The following ZFP37 variants were observed in gnomAD, a reference collection of about 807,000 sequenced individuals.
The protein encoded by ZFP37 is zinc finger protein 37 homolog.
Under a neutral mutation model 52.1 loss-of-function variants are expected in ZFP37, and 38 were observed. That is an observed-to-expected ratio of 0.73 (90% CI 0.56 to 0.96). The LOEUF (loss-of-function observed/expected upper bound fraction) is 0.96, where lower values mean the gene tolerates loss of function less well. Among genes scored for constraint, ZFP37 ranks in the 40% least tolerant of loss-of-function variants. The pLI, the probability that ZFP37 is intolerant of heterozygous loss-of-function variation, is 0.00. For missense variants in ZFP37, 695 were observed against 741.4 expected (o/e 0.94, Z 0.73); for synonymous variants, 253 against 259.5 (o/e 0.98, Z 0.24).
intron 1 of ZFP37, among the ~76,000 whole-genome samples, chr9:113,050,959 A>T (rs529189131): frequency 6.6e-6 from 1 of 152,286 alleles, no homozygotes; most frequent in East Asian, 1.9e-4. Context: ...AAGAATGCAG[A>T]ATGTACACTA....
At position 113,042,844 on chromosome 9, in the gene ZFP37, G is replaced by A. The variant is rs571256222; in HGVS notation, c.1774C>T (p.Gln592Ter). ...FNAKSQLVIH[Q>*]RSHTGEKPYE... is the part of the protein sequence containing the mutation. ...GGTTTTTCTCCAGTGTGGGATCGCT[G>A]ATGTATAACAAGCTGTGATTTTGCA... is the stretch of plus-strand genomic sequence containing the variant. Residue 592 changes from glutamine to a stop codon, truncating the protein, a stop_gained, in exon 4 of 4, where the codon CAG becomes TAG. Coordinates refer to ENST00000374227, the MANE Select transcript of ZFP37 (RefSeq NM_003408.3). LOFTEE classifies it high-confidence loss of function. 2 of 1,613,674 alleles carry A rather than the reference G, an allele frequency of 1.2e-6. No homozygotes were observed. The highest frequency in any genetic ancestry group is 4.5e-5 in the East Asian group (2 of 44,836).
In ZFP37 at chr9:113,039,208, T is replaced by C. The variant is rs770382701; in HGVS notation, c.*3517A>G. On this transcript the variant is annotated 3_prime_UTR_variant, in exon 4 of 4. Coordinates refer to ENST00000374227, the MANE Select transcript of ZFP37 (RefSeq NM_003408.3). ...ACTGCCGACCATCATAAGGCTTTGA[T>C]GTATACTGTCAGATTTACATTTTGG... is the stretch of plus-strand genomic sequence containing the variant. The C allele has an allele frequency of 6.6e-6, 1 of 152,170 alleles. No homozygotes were observed. Among genetic ancestry groups the C allele is most frequent in the Non-Finnish European group, 1.5e-5 (1 of 68,028 alleles). 9.4% of individuals were successfully genotyped at this position (152,170 alleles called of 1,614,324 possible). A position where few individuals can be genotyped will look rare whatever the true frequency, so the allele number is the denominator to read the frequency against.
rs1828835890 is a variant in ZFP37, at chr9:113,040,958, ATTTC to A, written c.*1763_*1766del. 6.7e-6 allele frequency: 1 copy of A among 149,984 alleles called. No homozygotes were observed. Among genetic ancestry groups the A allele is most frequent in the African/African-American group, 2.4e-5 (1 of 41,344 alleles). The allele number at this position is 149,984 out of a possible 1,614,324, so 9.3% of individuals were successfully genotyped here. A position where few individuals can be genotyped will look rare whatever the true frequency, so the allele number is the denominator to read the frequency against. On this transcript the variant is annotated 3_prime_UTR_variant, in exon 4 of 4. Coordinates refer to ENST00000374227, the MANE Select transcript of ZFP37 (RefSeq NM_003408.3). ...TTCAGAAGTTTTGTGCATTTTTTGT[ATTTC>A]TTTTTTTTGAGACAGAGCCTCACTC...
rs1829073962 is a variant in ZFP37, at chr9:113,052,445, T to C, written c.133-2573A>G. On this transcript the variant is annotated intron_variant, in intron 1 of 3. Coordinates refer to ENST00000374227, the MANE Select transcript of ZFP37 (RefSeq NM_003408.3). The surrounding 1 kb of genome is among the most constrained non-coding windows in gnomAD (Gnocchi z 4.1). ...GATTTGCTAGGAGGACTCACATGAC[T>C]CAGTATATAATTGTACTCATAGCTA... is the stretch of plus-strand genomic sequence containing the variant. Among the ~76,000 whole-genome samples, 1 of 152,144 alleles carries C rather than the reference T, an allele frequency of 6.6e-6. No homozygotes were observed. Among genetic ancestry groups the C allele is most frequent in the Admixed American group, 6.5e-5 (1 of 15,280 alleles).
chr9:113,054,848 T>C (rs562909536), intron 1 of ZFP37, among the ~76,000 whole-genome samples: 3 of 152,334 alleles, frequency 2.0e-5, no homozygotes, highest in East Asian at 1.9e-4. Flanking sequence ...TCTTTGACTA[T>C]TGCAAAAAGT....
At chr9:113,045,948 A>C (rs1371614084) in intron 3 of ZFP37, among the ~76,000 whole-genome samples, 1 of 152,194 alleles carries the variant, frequency 6.6e-6, no homozygotes, top group Non-Finnish European at 1.5e-5. Context: ...AGAGAGAAAG[A>C]AGCAGGAAGT....
intron 3 of ZFP37, among the ~76,000 whole-genome samples, chr9:113,046,401 T>C (rs1484204303): frequency 6.6e-6 from 1 of 152,070 alleles, no homozygotes; most frequent in East Asian, 1.9e-4. Context: ...GCTGTGTCTT[T>C]CAATGCCCAA....
chr9:113,047,875 ATATGAG>A (rs776981436), intron 3 of ZFP37, among the ~76,000 whole-genome samples: 1 of 152,238 alleles, frequency 6.6e-6, no homozygotes, highest in Non-Finnish European at 1.5e-5. Flanking sequence ...AGTAGGTCAA[ATATGAG>A]TATAAGACAA....
intron 3 of ZFP37, among the ~76,000 whole-genome samples, chr9:113,044,725 A>C (rs1828921692): frequency 6.6e-6 from 1 of 152,192 alleles, no homozygotes; most frequent in Admixed American, 6.5e-5. Context: ...AATCTGACTC[A>C]AACCAAGATG....
chr9:113,043,578 T>C lies in ZFP37; in HGVS notation c.1040A>G (p.Lys347Arg). 6.2e-7 allele frequency: 1 copy of C among 1,614,004 alleles called. No homozygotes were observed. The change falls in exon 4 of 4, where the codon AAA becomes AGA. Residue 347 changes from lysine (K) to arginine (R), a missense_variant. Coordinates refer to ENST00000374227, the MANE Select transcript of ZFP37 (RefSeq NM_003408.3). ...GCCACACTGAATACATTCATATGGT[T>C]TTTCTCCGGTGTGAGTTCTCTGATG... Reference protein sequence around the residue: ...VVHQRTHTGEKPYECIQCGKA... With the variant: ...VVHQRTHTGERPYECIQCGKA...
Position 113,041,531 on chromosome 9 carries a change from T to G in ZFP37, c.*1194A>C, listed in dbSNP as rs2118676209. 6.6e-6 allele frequency: 1 copy of G among 152,328 alleles called. No homozygotes were observed. Among genetic ancestry groups the G allele is most frequent in the Non-Finnish European group, 1.5e-5 (1 of 68,016 alleles). 9.4% of individuals were successfully genotyped at this position (152,328 alleles called of 1,614,324 possible). A position where few individuals can be genotyped will look rare whatever the true frequency, so the allele number is the denominator to read the frequency against. ...AGGGTGATTATTCATAAAATCACTT[T>G]CATTCACCTGCAATCACAATTCATC... On this transcript the variant is annotated 3_prime_UTR_variant, in exon 4 of 4. Transcript: ENST00000374227.
rs1050864587 is a variant in ZFP37, at chr9:113,039,188, C to T, written c.*3537G>A. The stretch of plus-strand genomic sequence containing the variant: ...TAGAATAGATTCCTCGATGGACTGC[C>T]GACCATCATAAGGCTTTGATGTATA... On this transcript the variant is annotated 3_prime_UTR_variant, in exon 4 of 4. Transcript: ENST00000374227. The T allele has an allele frequency of 2.6e-5, 4 of 152,020 alleles. No homozygotes were observed. The highest frequency in any genetic ancestry group is 7.2e-5 in the African/African-American group (3 of 41,390). The allele number at this position is 152,020 out of a possible 1,614,324, so 9.4% of individuals were successfully genotyped here.
intron 3 of ZFP37, among the ~76,000 whole-genome samples, chr9:113,046,737 T>C (rs1828964602): frequency 6.6e-6 from 1 of 151,942 alleles, no homozygotes; most frequent in Non-Finnish European, 1.5e-5. Context: ...CAGAAACAAA[T>C]ATGGAGCTCA....
At chr9:113,047,131 C>T (rs1828971755) in intron 3 of ZFP37, among the ~76,000 whole-genome samples, 1 of 151,380 alleles carries the variant, frequency 6.6e-6, no homozygotes, top group Admixed American at 6.6e-5. Context: ...AAAAGAGAAC[C>T]TGAACCAAGA....
At chr9:113,049,289 A>G in intron 3 of ZFP37, 73 bp downstream of exon 3, 3 of 1,500,594 alleles carry the variant, frequency 2.0e-6, no homozygotes, top group East Asian at 2.3e-5. Context: ...TAGTTAAGAA[A>G]GAAAGGTCTA....
At chr9:113,050,051 A>T in intron 1 of ZFP37, 179 bp from the exon 2 acceptor site, 1 of 1,022,274 alleles carries the variant, frequency 9.8e-7, no homozygotes, top group Non-Finnish European at 1.3e-6. Context: ...TTCTCTACTC[A>T]ATTTTTCATT....
chr9:113,056,605 G>A lies in ZFP37; in HGVS notation c.84C>T (p.Ala28=), dbSNP rs780756017. Residue 28 remains alanine, a synonymous_variant, in exon 1 of 4, where the codon GCC becomes GCT. Coordinates refer to ENST00000374227, the MANE Select transcript of ZFP37 (RefSeq NM_003408.3). The part of the protein sequence containing the change: ...RRRSAETTKE[A]GRPLEMAVSE... The stretch of plus-strand genomic sequence containing the variant: ...ACACAGCCATCTCCAGTGGTCGCCC[G>A]GCCTCTTTGGTCGTTTCCGCACTTC... The A allele has an allele frequency of 7.4e-6, 12 of 1,613,872 alleles. No homozygotes were observed. Among genetic ancestry groups the A allele is most frequent in the African/African-American group, 6.7e-5 (5 of 75,042 alleles).
intron 1 of ZFP37, 141 bp downstream of exon 1, chr9:113,056,416 G>C: frequency 7.1e-7 from 1 of 1,399,746 alleles, no homozygotes; most frequent in Non-Finnish European, 9.7e-7. Flanking sequence ...AGATAACTCA[G>C]AACACCGACC....
chr9:113,043,710 C>CT lies in ZFP37; in HGVS notation c.907dup (p.Ser303LysfsTer3). The stretch of plus-strand genomic sequence containing the variant: ...ATGGTCAATGAGTCCTTGTTTATGG[C>CT]TGAGAACCTTTCCACATTGATTACA... On this transcript the variant is annotated frameshift_variant, in exon 4 of 4. Coordinates refer to ENST00000374227, the MANE Select transcript of ZFP37 (RefSeq NM_003408.3). LOFTEE classifies it high-confidence loss of function. 6.2e-7 allele frequency: 1 copy of CT among 1,613,994 alleles called. No individual in the cohort carries two copies. The highest frequency in any genetic ancestry group is 8.5e-7 in the Non-Finnish European group (1 of 1,179,952).
Sources: allele counts gnomAD v4.1 joint callset (sites outside exome capture counted in the v4.1 genomes callset), GRCh38; gene constraint gnomAD v4.1.1; non-coding constraint Gnocchi (gnomAD v3.1); transcripts MANE v1.5; gene names NCBI Gene and HGNC (gene_info 2026-07-23, HGNC 2026-07-21).